Variants in KCNN2 observed in about 807,000 individuals in gnomAD.
The protein encoded by KCNN2 is small conductance calcium-activated potassium channel protein 2.
A neutral mutation model predicts 55.5 loss-of-function variants in KCNN2; 24 were observed. The observed-to-expected ratio is 0.43, with a 90% CI of 0.31 to 0.61. The LOEUF (loss-of-function observed/expected upper bound fraction) is 0.61. KCNN2 is among the 20% of genes least tolerant of loss of function. The probability of loss-of-function intolerance (pLI) is 0.08; values close to 1 mark genes in which losing one functional copy is unlikely to be tolerated. For synonymous variants in KCNN2, 431 were observed against 336.1 expected (o/e 1.28, Z -3.09); for missense variants, 754 against 853.6 (o/e 0.88, Z 1.45).
At chr5:114,198,166 T>C (rs1296223660) in intron 1 of KCNN2, among the ~76,000 whole-genome samples, 2 of 151,878 alleles carry the variant, frequency 1.3e-5, no homozygotes, top group Non-Finnish European at 2.9e-5. Flanking sequence ...TTAACACAGA[T>C]GGTTTCATTC....
intron 2 of KCNN2, among the ~76,000 whole-genome samples, chr5:114,285,408 C>T (rs768730787): frequency 8.6e-5 from 13 of 150,912 alleles, no homozygotes; most frequent in Non-Finnish European, 1.0e-4. Flanking sequence ...AGGGTGTGTG[C>T]AAGTGGTTTA....
At chr5:114,192,549 G>A (rs543412053) in intron 1 of KCNN2, among the ~76,000 whole-genome samples, 37 of 152,202 alleles carry the variant, frequency 2.4e-4, no homozygotes, top group African/African-American at 8.7e-4. Context: ...AGATGCCTCA[G>A]GGTCATCAAG....
At chr5:114,114,350 C>T (rs1580526351) in intron 1 of KCNN2, among the ~76,000 whole-genome samples, 1 of 151,938 alleles carries the variant, frequency 6.6e-6, no homozygotes, top group East Asian at 1.9e-4. Flanking sequence ...TGCTTAGCCT[C>T]CTGATTAGCT....
chr5:114,063,665 A>G (rs1290541244), intron 1 of KCNN2, among the ~76,000 whole-genome samples: 1 of 152,208 alleles, frequency 6.6e-6, no homozygotes, highest in Non-Finnish European at 1.5e-5. Flanking sequence ...GAACATGACT[A>G]GTCCACCAGA....
intron 2 of KCNN2, among the ~76,000 whole-genome samples, chr5:114,403,711 T>C (rs945557144): frequency 1.1e-4 from 16 of 152,232 alleles, no homozygotes; most frequent in African/African-American, 3.9e-4. Flanking sequence ...TTACTTTGCT[T>C]TCTCGCTGGT....
At chr5:114,102,995 G>GGAATAGCA (rs1210549299) in intron 1 of KCNN2, among the ~76,000 whole-genome samples, 1 of 152,090 alleles carries the variant, frequency 6.6e-6, no homozygotes, top group Non-Finnish European at 1.5e-5. Flanking sequence ...TAGCTTGATG[G>GGAATAGCA]GAATAGCATT....
intron 2 of KCNN2, among the ~76,000 whole-genome samples, chr5:114,248,903 C>G (rs993670160): frequency 1.3e-5 from 2 of 152,162 alleles, no homozygotes; most frequent in African/African-American, 4.8e-5. Flanking sequence ...ATCATTCAAA[C>G]TGGAACTCTT....
intron 2 of KCNN2, among the ~76,000 whole-genome samples, chr5:114,290,068 C>T (rs2150017076): frequency 6.6e-6 from 1 of 152,236 alleles, no homozygotes; most frequent in East Asian, 1.9e-4. Flanking sequence ...GGCCTGTAGT[C>T]TTCTCTTCTT....
At chr5:114,095,541 C>A (rs773917512) in intron 1 of KCNN2, among the ~76,000 whole-genome samples, 20 of 152,150 alleles carry the variant, frequency 1.3e-4, no homozygotes, top group Non-Finnish European at 2.6e-4. Flanking sequence ...ATAAAAGGTT[C>A]CATTTAACAA....
intron 2 of KCNN2, among the ~76,000 whole-genome samples, chr5:114,301,369 T>G (rs1033565553): frequency 1.3e-5 from 2 of 152,250 alleles, no homozygotes; most frequent in African/African-American, 4.8e-5. Flanking sequence ...AATTATTATT[T>G]GATAACATAA....
chr5:114,416,152 A>G (rs1174232074), intron 3 of KCNN2, among the ~76,000 whole-genome samples: 1 of 152,146 alleles, frequency 6.6e-6, no homozygotes, highest in Non-Finnish European at 1.5e-5. Flanking sequence ...CGTTGCTTTG[A>G]TGGTTGTAGT....
At chr5:114,455,119 G>A (rs988935560) in intron 3 of KCNN2, among the ~76,000 whole-genome samples, 1 of 152,026 alleles carries the variant, frequency 6.6e-6, no homozygotes, top group Non-Finnish European at 1.5e-5. Flanking sequence ...ATGGCACACA[G>A]GCTTACCTCA....
chr5:114,141,765 T>C (rs192867135), intron 1 of KCNN2, among the ~76,000 whole-genome samples: 52 of 152,346 alleles, frequency 3.4e-4, no homozygotes, highest in Admixed American at 1.0e-3. Flanking sequence ...AAAGTGTTCC[T>C]GTTTCTCCAC....
chr5:114,293,298 T>C (rs1161224239), intron 2 of KCNN2, among the ~76,000 whole-genome samples: 1 of 152,168 alleles, frequency 6.6e-6, no homozygotes, highest in Non-Finnish European at 1.5e-5. Flanking sequence ...TTCCAGTTTT[T>C]GCCCATTCAG....
chr5:114,082,633 C>T (rs1311914226), intron 1 of KCNN2, among the ~76,000 whole-genome samples: 1 of 152,178 alleles, frequency 6.6e-6, no homozygotes, highest in East Asian at 1.9e-4. Flanking sequence ...ATGTTTATAA[C>T]AGCATTATTC....
At chr5:114,266,002 C>A (rs1329076102) in intron 2 of KCNN2, among the ~76,000 whole-genome samples, 1 of 152,014 alleles carries the variant, frequency 6.6e-6, no homozygotes, top group African/African-American at 2.4e-5. Flanking sequence ...CATACACAAG[C>A]CACATGCATA....
intron 2 of KCNN2, among the ~76,000 whole-genome samples, chr5:114,395,835 C>T (rs1279435924): frequency 6.6e-6 from 1 of 152,160 alleles, no homozygotes; most frequent in Non-Finnish European, 1.5e-5. Context: ...ACGTCCTGAC[C>T]TTCCAAATGC....
intron 2 of KCNN2, among the ~76,000 whole-genome samples, chr5:114,281,472 T>G (rs1045005029): frequency 8.5e-5 from 13 of 152,126 alleles, no homozygotes; most frequent in African/African-American, 2.9e-4. Flanking sequence ...TGTGGCAAAC[T>G]TTTTTCCAAG....
chr5:114,486,977 C>A (rs1747582719), intron 5 of KCNN2, 73 bp from the exon 6 acceptor site: 1 of 1,544,782 alleles, frequency 6.5e-7, no homozygotes, highest in Admixed American at 1.7e-5. Context: ...GGGATGAAGA[C>A]TATGACCCCC....
Sources: allele counts gnomAD v4.1 joint callset (sites outside exome capture counted in the v4.1 genomes callset), GRCh38; gene constraint gnomAD v4.1.1; transcripts MANE v1.5; gene names NCBI Gene and HGNC (gene_info 2026-07-23, HGNC 2026-07-21).